C2orf76: variants seen among roughly 807,000 people sequenced by gnomAD.
C2orf76 encodes the protein chromosome 2 open reading frame 76.
Under a neutral mutation model 16.9 loss-of-function variants are expected in C2orf76, and 23 were observed. That is an observed-to-expected ratio of 1.36 (90% CI 0.98 to 1.93). The LOEUF (loss-of-function observed/expected upper bound fraction) is 1.93, where lower values mean the gene tolerates loss of function less well. Among genes scored for constraint, C2orf76 ranks in the 30% most tolerant of loss-of-function variants. The pLI is 0.00. For missense variants in C2orf76, 152 were observed against 152.6 expected (o/e 1.00, Z 0.02); for synonymous variants, 48 against 52.3 (o/e 0.92, Z 0.35).
chr2:119,352,411 C>T (rs1197367979), intron 1 of C2orf76, among the ~76,000 whole-genome samples: 2 of 152,212 alleles, frequency 1.3e-5, no homozygotes, highest in Admixed American at 6.5e-5. Flanking sequence ...TAATGAACTG[C>T]ACCCTATCTT....
At chr2:119,349,093 C>A (rs1035209870) in intron 1 of C2orf76, among the ~76,000 whole-genome samples, 1 of 152,202 alleles carries the variant, frequency 6.6e-6, no homozygotes, top group African/African-American at 2.4e-5. Flanking sequence ...GAGAGATGTC[C>A]AGAAAAGCCT....
At chr2:119,301,918 T>TAAAA (rs34452099), downstream of C2orf76, among the ~76,000 whole-genome samples, 1 of 138,892 alleles carries the variant, frequency 7.2e-6, no homozygotes, top group Non-Finnish European at 1.6e-5. Flanking sequence ...TGCAATACTT[T>TAAAA]AAAAAAAAAA....
intron 2 of C2orf76, among the ~76,000 whole-genome samples, chr2:119,324,133 CT>C (rs1301278785): frequency 9.2e-5 from 14 of 152,272 alleles, no homozygotes; most frequent in African/African-American, 3.1e-4. Context: ...ATGAAACTCC[CT>C]GAAGAAAGCC....
intron 2 of C2orf76, among the ~76,000 whole-genome samples, chr2:119,338,048 A>G (rs1470603039): frequency 1.3e-5 from 2 of 152,356 alleles, no homozygotes; most frequent in East Asian, 3.9e-4. Context: ...TATAAAATAA[A>G]AAAGTACGGA....
intron 2 of C2orf76, among the ~76,000 whole-genome samples, chr2:119,339,466 C>T (rs1368844221): frequency 1.3e-5 from 2 of 152,120 alleles, no homozygotes; most frequent in Non-Finnish European, 2.9e-5. Flanking sequence ...GACCACCCCA[C>T]ACCCTCTGTG....
In C2orf76 at chr2:119,309,377, CTTTTCTTTTTTTCTCTTTTTCTTTTT is replaced by C. The variant is rs1678904263; in HGVS notation, c.304+2219_304+2244del. Among the ~76,000 whole-genome samples, 7 of 132,466 alleles carry C rather than the reference CTTTTCTTTTTTTCTCTTTTTCTTTTT, an allele frequency of 5.3e-5. No homozygotes were observed. In the South Asian group the frequency reaches 1.5e-3, roughly 29 times the overall value. The allele number at this position is 132,466 out of a possible 152,430, so 86.9% of individuals were successfully genotyped here. ...GCTCTTTATAAAGTCAGGCTAGTAA[CTTTTCTTTTTTTCTCTTTTTCTTTTT>C]TTTTTTTTTTTTTTTTTTTTTGAGA... On this transcript the variant is annotated intron_variant, in intron 5 of 5. Coordinates refer to ENST00000334816, the MANE Select transcript of C2orf76 (RefSeq NM_001322331.2).
At position 119,348,662 on chromosome 2, in the gene C2orf76, G is replaced by T. The variant is rs551971842; in HGVS notation, c.-12-8691C>A. On this transcript the variant is annotated intron_variant, in intron 1 of 5. Transcript: ENST00000334816. ...GATTGTGCCACTGTACTCCAGCCTGGAAGACAAGAGTGGAACTCTGTCTTA... is the reference window on the plus strand; with the variant it reads ...GATTGTGCCACTGTACTCCAGCCTGTAAGACAAGAGTGGAACTCTGTCTTA... 3.9e-5 allele frequency among the ~76,000 whole-genome samples: 6 copies of T among 152,154 alleles called. No individual in the cohort carries two copies. The South Asian group carries it at 1.2e-3, about 32-fold the overall frequency.
At chr2:119,337,051 A>ATTTTTTTT in intron 2 of C2orf76, among the ~76,000 whole-genome samples, 1 of 102,500 alleles carries the variant, frequency 9.8e-6, no homozygotes, top group African/African-American at 3.7e-5. Context: ...TCATTTATTT[A>ATTTTTTTT]TTTATTTATT....
intron 1 of C2orf76, among the ~76,000 whole-genome samples, chr2:119,348,356 C>T (rs1387172384): frequency 6.6e-6 from 1 of 152,106 alleles, no homozygotes; most frequent in Non-Finnish European, 1.5e-5. Flanking sequence ...GTATGGATAC[C>T]AACTTTGAAA....
At chr2:119,357,635 T>C (rs1680612922) in intron 1 of C2orf76, among the ~76,000 whole-genome samples, 1 of 148,420 alleles carries the variant, frequency 6.7e-6, no homozygotes, top group African/African-American at 2.5e-5. Context: ...TTAGACTTCA[T>C]AATGAAAGAC....
intron 4 of C2orf76, among the ~76,000 whole-genome samples, chr2:119,316,455 G>A (rs1679176224): frequency 6.6e-6 from 1 of 152,198 alleles, no homozygotes; most frequent in Admixed American, 6.5e-5. Flanking sequence ...AGAATTGTAG[G>A]AGAATAAATG....
At chr2:119,362,104 T>C (rs1302486697) in intron 1 of C2orf76, among the ~76,000 whole-genome samples, 2 of 152,216 alleles carry the variant, frequency 1.3e-5, no homozygotes. Context: ...AGTGTGAAGA[T>C]GACAAGTCTG....
At chr2:119,301,172 CTA>C (rs1165218163), downstream of C2orf76, among the ~76,000 whole-genome samples, 1 of 151,948 alleles carries the variant, frequency 6.6e-6, no homozygotes, top group Non-Finnish European at 1.5e-5. Flanking sequence ...TTTGCTTGTA[CTA>C]TGTCTTTCTC....
chr2:119,335,220 A>C (rs1679809853), intron 2 of C2orf76, among the ~76,000 whole-genome samples: 3 of 152,366 alleles, frequency 2.0e-5, no homozygotes, highest in Non-Finnish European at 4.4e-5. Context: ...CAGCTGAGAC[A>C]GTTTAAAATA....
chr2:119,359,813 G>A (rs957202843), intron 1 of C2orf76, among the ~76,000 whole-genome samples: 4 of 152,134 alleles, frequency 2.6e-5, no homozygotes, highest in African/African-American at 4.8e-5. Flanking sequence ...TCTCCCTGTC[G>A]CCTAGGCTGG....
intron 4 of C2orf76, among the ~76,000 whole-genome samples, chr2:119,315,461 A>G (rs1034087744): frequency 1.3e-5 from 2 of 152,194 alleles, no homozygotes; most frequent in African/African-American, 4.8e-5. Flanking sequence ...CAGCAATGCC[A>G]CAGGCCCCGC....
At chr2:119,366,466 G>A (rs1014099093) in intron 1 of C2orf76, 5 of 471,640 alleles carry the variant, frequency 1.1e-5, no homozygotes, top group African/African-American at 1.0e-4. Flanking sequence ...CCTCGGCTTC[G>A]CCTTTCGGGA....
At chr2:119,295,638 G>A in the C2orf76 span, among the ~76,000 whole-genome samples, 1 of 152,230 alleles carries the variant, frequency 6.6e-6, no homozygotes, top group Admixed American at 6.5e-5. Flanking sequence ...ATGGACGACA[G>A]TTTTTTTCCT....
chr2:119,340,155 C>A, intron 1 of C2orf76, 184 bp from the exon 2 acceptor site: 1 of 536,628 alleles, frequency 1.9e-6, no homozygotes, highest in South Asian at 2.9e-5. Flanking sequence ...GTGATTATAC[C>A]CACCTATCCA....
Sources: allele counts gnomAD v4.1 joint callset (sites outside exome capture counted in the v4.1 genomes callset), GRCh38; gene constraint gnomAD v4.1.1; transcripts MANE v1.5; gene names NCBI Gene and HGNC (gene_info 2026-07-23, HGNC 2026-07-21).